CENPE: variants seen among roughly 807,000 people sequenced by gnomAD.
The protein encoded by CENPE is centromere-associated protein E.
CENPE carries 145 observed loss-of-function variants against 336.1 expected under a neutral mutation model. The observed-to-expected ratio is 0.43, with a 90% CI of 0.38 to 0.50. The LOEUF (loss-of-function observed/expected upper bound fraction) is 0.50. CENPE is among the 20% of genes least tolerant of loss of function. CENPE has a pLI of 0.00. For synonymous variants in CENPE, 1,013 were observed against 984.8 expected (o/e 1.03, Z -0.54); for missense variants, 2,719 against 3,023.3 (o/e 0.90, Z 2.36).
In CENPE at chr4:103,122,905, T is replaced by C. The variant is rs1307231175; in HGVS notation, c.7109A>G (p.His2370Arg). The C allele has an allele frequency of 1.9e-6, 3 of 1,613,692 alleles. No homozygotes were observed. The highest frequency in any genetic ancestry group is 2.2e-5 in the East Asian group (1 of 44,846). The change falls in exon 43 of 49, where the codon CAT becomes CGT. Residue 2370 changes from histidine (H) to arginine (R), a missense_variant. Physicochemically the swap from His to Arg is conservative, Grantham distance 29. This residue lies in a region of CENPE where 2,437 missense variants were observed against 2,513.3 expected (regional missense o/e 0.97). Transcript: ENST00000265148. Reference sequence around the variant, plus strand: ...TAACTGTGTAGCTCTTGATGTAACATGAGGATTCTTATTGTCTTGTGTGGT... The same window carrying C: ...TAACTGTGTAGCTCTTGATGTAACACGAGGATTCTTATTGTCTTGTGTGGT... ...NPTTQDNKNP[H>R]VTSRATQLTT... is the part of the protein sequence containing the mutation.
chr4:103,129,209 G>A (rs1751378903), intron 42 of CENPE, among the ~76,000 whole-genome samples: 1 of 152,070 alleles, frequency 6.6e-6, no homozygotes, highest in Non-Finnish European at 1.5e-5. Context: ...CAAAGAAATG[G>A]AGTCAGTAAT....
intron 42 of CENPE, among the ~76,000 whole-genome samples, chr4:103,125,631 G>A (rs560052457): frequency 8.2e-4 from 125 of 152,190 alleles, no homozygotes; most frequent in Non-Finnish European, 1.1e-3. Context: ...CTGGCAGTCC[G>A]AGGCGGGCAG....
intron 8 of CENPE, among the ~76,000 whole-genome samples, chr4:103,188,266 A>T (rs1439124741): frequency 6.6e-6 from 1 of 152,198 alleles, no homozygotes; most frequent in African/African-American, 2.4e-5. Context: ...GATATCCAGG[A>T]ATTGAACTCA....
intron 40 of CENPE, among the ~76,000 whole-genome samples, chr4:103,134,874 C>T (rs1052483452): frequency 1.4e-4 from 21 of 152,164 alleles, no homozygotes; most frequent in African/African-American, 4.6e-4. Flanking sequence ...ATAATCTGGT[C>T]TCTTCCTTAA....
chr4:103,120,788 T>C (rs1011679646), intron 43 of CENPE, among the ~76,000 whole-genome samples: 5 of 152,090 alleles, frequency 3.3e-5, no homozygotes, highest in Non-Finnish European at 7.4e-5. Flanking sequence ...CAGGCTGGAA[T>C]GCAGTGGCGC....
intron 8 of CENPE, among the ~76,000 whole-genome samples, chr4:103,191,551 A>G (rs921049327): frequency 7.2e-5 from 11 of 151,826 alleles, no homozygotes; most frequent in Non-Finnish European, 1.6e-4. Context: ...CGCAAGGACA[A>G]AAAACCAAAC....
chr4:103,111,612 G>A (rs1301949130), intron 46 of CENPE, among the ~76,000 whole-genome samples: 2 of 152,248 alleles, frequency 1.3e-5, no homozygotes, highest in East Asian at 3.9e-4. Flanking sequence ...ACAAAAGAGG[G>A]ATAGTGTGTG....
At chr4:103,181,095 C>T (rs1192251336) in intron 12 of CENPE, among the ~76,000 whole-genome samples, 1 of 152,078 alleles carries the variant, frequency 6.6e-6, no homozygotes, top group Non-Finnish European at 1.5e-5. Flanking sequence ...ATTTGATAAT[C>T]TCAGATTTTG....
intron 8 of CENPE, among the ~76,000 whole-genome samples, chr4:103,189,413 TC>T (rs1324633192): frequency 2.6e-5 from 4 of 152,154 alleles, no homozygotes; most frequent in African/African-American, 9.7e-5. Flanking sequence ...GCAAACAGAA[TC>T]CAGCAGCACA....
In CENPE at chr4:103,176,881, C is replaced by T. The variant is rs758188173; in HGVS notation, c.1390+18G>A. 2.3e-5 allele frequency: 36 copies of T among 1,543,360 alleles called. 1 individual carries two copies. The South Asian group carries it at 4.2e-4, about 18-fold the overall frequency. ...GCTTTTATAATTAAACATAGTTCCA[C>T]TTGAAAAAAGCACTCACATTCATCA... is the stretch of plus-strand genomic sequence containing the variant. On this transcript the variant is annotated intron_variant, in intron 14 of 48. Coordinates refer to ENST00000265148, the MANE Select transcript of CENPE (RefSeq NM_001813.3).
intron 10 of CENPE, 50 bp from the exon 11 acceptor site, chr4:103,182,941 A>G (rs1341291914): frequency 1.5e-5 from 23 of 1,561,168 alleles, no homozygotes; most frequent in Non-Finnish European, 1.8e-5. Flanking sequence ...ACGTTTATAT[A>G]ATAAAGTAGT....
Position 103,151,164 on chromosome 4 carries a change from C to A in CENPE, c.3396+55G>T, listed in dbSNP as rs199513014. On this transcript the variant is annotated intron_variant, in intron 26 of 48. Transcript: ENST00000265148. ...TTAGGTCTACAGAAATAAAAATTAC[C>A]AAAAAAAAAGTTTAGTTAGAAAAAA... 3.2e-3 allele frequency: 4,795 copies of A among 1,494,458 alleles called. 170 individuals carry two copies. The African/African-American group carries it at 0.063, about 20-fold the overall frequency. 92.6% of individuals were successfully genotyped at this position (1,494,458 alleles called of 1,614,324 possible).
At position 103,145,354 on chromosome 4, in the gene CENPE, TAA is replaced by T; in HGVS notation, c.4573-22_4573-21del. 1 of 1,456,428 alleles carries T rather than the reference TAA, an allele frequency of 6.9e-7. No homozygotes were observed. Among genetic ancestry groups the T allele is most frequent in the Non-Finnish European group, 9.4e-7 (1 of 1,058,766 alleles). The allele number at this position is 1,456,428 out of a possible 1,614,324, so 90.2% of individuals were successfully genotyped here. On this transcript the variant is annotated intron_variant, in intron 31 of 48. Transcript: ENST00000265148. ...TTGGATCTTAAACATAATTATAAAA[TAA>T]GTTAATAGTCATAAAAATATGTAAA...
intron 42 of CENPE, among the ~76,000 whole-genome samples, chr4:103,123,944 C>G (rs1302384205): frequency 1.3e-5 from 2 of 152,176 alleles, no homozygotes; most frequent in Admixed American, 1.3e-4. Context: ...TGTATCATCT[C>G]ACATCATAAG....
intron 16 of CENPE, among the ~76,000 whole-genome samples, chr4:103,165,687 G>A (rs1433724049): frequency 2.0e-5 from 3 of 151,748 alleles, no homozygotes; most frequent in Non-Finnish European, 2.9e-5. Flanking sequence ...ATTTTGTGTC[G>A]AATTAAAAGT....
Position 103,185,835 on chromosome 4 carries a change from T to C in CENPE, c.720A>G (p.Glu240=), listed in dbSNP as rs115192851. 32 of 1,610,628 alleles carry C rather than the reference T, an allele frequency of 2.0e-5. No individual in the cohort carries two copies. The African/African-American group carries it at 3.6e-4, about 18-fold the overall frequency. Residue 240 remains glutamate, a synonymous_variant, in exon 9 of 49, where the codon GAA becomes GAG. Coordinates refer to ENST00000265148, the MANE Select transcript of CENPE (RefSeq NM_001813.3). ...HLNLVDLAGS[E]RAAQTGAAGV... The stretch of plus-strand genomic sequence containing the variant: ...CTGCAGCGCCTGTTTGAGCAGCTCT[T>C]TCACTGCCTGCAAGATCAACCAAAT...
In CENPE at chr4:103,111,030, C is replaced by T; in HGVS notation, c.7541-19G>A. On this transcript the variant is annotated intron_variant, in intron 46 of 48. Coordinates refer to ENST00000265148, the MANE Select transcript of CENPE (RefSeq NM_001813.3). ...GATATCACTGTGGGAGGAAAATATA[C>T]AAATAGGTGATAATTTTAATTGTCT... The T allele has an allele frequency of 6.6e-7, 1 of 1,510,302 alleles. No homozygotes were observed. The highest frequency in any genetic ancestry group is 1.3e-5 in the South Asian group (1 of 79,880). 93.6% of individuals were successfully genotyped at this position (1,510,302 alleles called of 1,614,324 possible).
intron 24 of CENPE, among the ~76,000 whole-genome samples, chr4:103,153,887 TA>T (rs1306163285): frequency 2.0e-5 from 3 of 152,168 alleles, no homozygotes; most frequent in Non-Finnish European, 4.4e-5. Flanking sequence ...GGGGGATAAA[TA>T]ATTTTGATAA....
At chr4:103,174,641 T>TA in intron 16 of CENPE, 95 bp downstream of exon 16, 18 of 866,378 alleles carry the variant, frequency 2.1e-5, no homozygotes, top group Admixed American at 3.9e-5. Flanking sequence ...TCTGTACATT[T>TA]AAAAAAAATT....
Sources: allele counts gnomAD v4.1 joint callset (sites outside exome capture counted in the v4.1 genomes callset), GRCh38; gene constraint gnomAD v4.1.1; regional missense constraint gnomAD v4.1.1; transcripts MANE v1.5; gene names NCBI Gene and HGNC (gene_info 2026-07-23, HGNC 2026-07-21).